LRP1B: variants seen among roughly 807,000 people sequenced by gnomAD.
LRP1B encodes the protein low-density lipoprotein receptor-related protein 1B.
Under a neutral mutation model 556.6 loss-of-function variants are expected in LRP1B, and 217 were observed. The observed-to-expected ratio is 0.39, with a 90% CI of 0.35 to 0.44. The LOEUF (loss-of-function observed/expected upper bound fraction) is 0.44. Ranked by LOEUF, LRP1B falls within the 20% of genes least tolerant of loss-of-function variation. The pLI, the probability that LRP1B is intolerant of heterozygous loss-of-function variation, is 1.00. For missense variants in LRP1B, 5,053 were observed against 5,620.8 expected, an observed-to-expected ratio of 0.90 and a Z score of 3.23; for synonymous variants, 2,047 against 1,865.8, an observed-to-expected ratio of 1.10 and a Z score of -2.50.
intron 7 of LRP1B, among the ~76,000 whole-genome samples, chr2:141,100,788 A>C (rs1055848550): frequency 6.6e-6 from 1 of 151,980 alleles, no homozygotes; most frequent in Admixed American, 6.6e-5. Flanking sequence ...GGGAGTAGAC[A>C]TGAAAACAGA....
chr2:142,075,725 G>A (rs1291282253), intron 1 of LRP1B, among the ~76,000 whole-genome samples: 2 of 151,892 alleles, frequency 1.3e-5, no homozygotes, highest in African/African-American at 2.4e-5. Context: ...GTTTCCCTCC[G>A]CCTCTATTCC....
chr2:140,690,051 A>G (rs928130756), intron 41 of LRP1B, among the ~76,000 whole-genome samples: 5 of 152,150 alleles, frequency 3.3e-5, no homozygotes, highest in African/African-American at 1.2e-4. Flanking sequence ...TTGAGAAACA[A>G]TAGACACAGG....
intron 3 of LRP1B, among the ~76,000 whole-genome samples, chr2:141,450,262 C>T (rs1401127965): frequency 6.6e-6 from 1 of 152,256 alleles, no homozygotes; most frequent in Non-Finnish European, 1.5e-5. Flanking sequence ...GATATACAAG[C>T]TAATAGTGAA....
In LRP1B at chr2:141,465,881, T is replaced by A. The variant is rs150759997; in HGVS notation, c.343+14515A>T. 6.7e-4 allele frequency among the ~76,000 whole-genome samples: 100 copies of A among 149,930 alleles called. 2 individuals carry two copies. The highest frequency in any genetic ancestry group is 2.2e-3 in the African/African-American group (90 of 40,684). On this transcript the variant is annotated intron_variant, in intron 3 of 90. Coordinates refer to ENST00000389484, the MANE Select transcript of LRP1B (RefSeq NM_018557.3). ...CTTTTATACCTCTCAGGTATGTTTT[T>A]TTTTATTACTATTTTTATTTTTTTT...
At chr2:141,673,998 C>T (rs1690778802) in intron 2 of LRP1B, among the ~76,000 whole-genome samples, 2 of 151,984 alleles carry the variant, frequency 1.3e-5, no homozygotes, top group Non-Finnish European at 2.9e-5. Flanking sequence ...AATGCAGAAG[C>T]TTTGGTCAAT....
chr2:141,705,436 C>T (rs1199371984), intron 2 of LRP1B, among the ~76,000 whole-genome samples: 1 of 151,926 alleles, frequency 6.6e-6, no homozygotes, highest in African/African-American at 2.4e-5. Flanking sequence ...CCCAGAATCT[C>T]CTGAGTACTG....
chr2:140,895,842 T>C (rs2105210624), intron 23 of LRP1B, among the ~76,000 whole-genome samples: 1 of 152,238 alleles, frequency 6.6e-6, no homozygotes, highest in East Asian at 1.9e-4. Context: ...CCCTCTGAAG[T>C]CAAGCTGCTT....
intron 35 of LRP1B, among the ~76,000 whole-genome samples, chr2:140,753,955 A>C (rs1011915469): frequency 9.2e-5 from 14 of 152,136 alleles, no homozygotes; most frequent in African/African-American, 3.4e-4. Flanking sequence ...CAAGAACCCA[A>C]GGGCCCCACT....
intron 1 of LRP1B, among the ~76,000 whole-genome samples, chr2:141,842,908 A>T (rs1367585914): frequency 1.3e-5 from 2 of 152,142 alleles, no homozygotes; most frequent in Non-Finnish European, 2.9e-5. Context: ...TCTCACAATA[A>T]ATGCTTCAAA....
chr2:140,370,922 A>T (rs989628209), intron 70 of LRP1B, 80 bp from the exon 71 acceptor site: 1 of 1,436,872 alleles, frequency 7.0e-7, no homozygotes, highest in Non-Finnish European at 9.7e-7. Flanking sequence ...TGCAGCTTGT[A>T]ATACTAGAGC....
At chr2:140,277,764 C>A (rs1441081310) in intron 84 of LRP1B, among the ~76,000 whole-genome samples, 3 of 151,942 alleles carry the variant, frequency 2.0e-5, no homozygotes, top group Non-Finnish European at 4.4e-5. Flanking sequence ...TGGAAACTCT[C>A]ATCTACTACT....
At position 140,700,273 on chromosome 2, in the gene LRP1B, T is replaced by C; in HGVS notation, c.6776A>G (p.Glu2259Gly). The change falls in exon 41 of 91, where the codon GAA (glutamate) becomes GGA (glycine). Residue 2259 changes from glutamate to glycine, a missense_variant. Around this residue, in one of 5 missense-constraint regions of LRP1B, gnomAD observed 3,619 missense variants for 3,931.9 expected, o/e 0.92. Transcript: ENST00000389484. ...GNIQLIKDNW[E>G]DRQVIVENVG... is the part of the protein sequence containing the mutation. The stretch of plus-strand genomic sequence containing the variant: ...ACTTTCAACAATTACTTGTCTGTCT[T>C]CCCAGTTGTCTTTAATAAGCTGTAT... 6.2e-7 allele frequency: 1 copy of C among 1,611,604 alleles called. No individual in the cohort carries two copies. Among genetic ancestry groups the C allele is most frequent in the South Asian group, 1.1e-5 (1 of 90,998 alleles).
chr2:141,413,127 T>C (rs1690917693), intron 3 of LRP1B, among the ~76,000 whole-genome samples: 2 of 152,136 alleles, frequency 1.3e-5, no homozygotes, highest in Admixed American at 1.3e-4. Context: ...CTTGGGAGGC[T>C]GAGACCGGAG....
chr2:140,460,514 T>C (rs1330550295), intron 60 of LRP1B, among the ~76,000 whole-genome samples: 1 of 152,188 alleles, frequency 6.6e-6, no homozygotes, highest in Non-Finnish European at 1.5e-5. Flanking sequence ...ACTATCATTT[T>C]TAAGAGAAAA....
chr2:141,557,740 A>G (rs1011489763), intron 2 of LRP1B, among the ~76,000 whole-genome samples: 12 of 151,942 alleles, frequency 7.9e-5, no homozygotes, highest in African/African-American at 2.7e-4. Context: ...CCCTGCCTCT[A>G]GACTCTAGAC....
intron 32 of LRP1B, among the ~76,000 whole-genome samples, chr2:140,812,973 A>T (rs1358822125): frequency 6.6e-6 from 1 of 152,092 alleles, no homozygotes; most frequent in South Asian, 2.1e-4. Context: ...CACTCTTAAC[A>T]TCTTTTGAAA....
intron 1 of LRP1B, among the ~76,000 whole-genome samples, chr2:141,975,606 G>A (rs937079322): frequency 6.6e-6 from 1 of 152,054 alleles, no homozygotes; most frequent in Non-Finnish European, 1.5e-5. Context: ...ATAGTTAGTT[G>A]ACCCATTTTC....
chr2:140,325,947 C>A, intron 79 of LRP1B, 69 bp from the exon 80 acceptor site: 1 of 982,836 alleles, frequency 1.0e-6, no homozygotes, highest in South Asian at 1.4e-5. Context: ...CATACTTTTG[C>A]TTCTTATTGT....
At chr2:140,582,068 A>C (rs1165612323) in intron 43 of LRP1B, among the ~76,000 whole-genome samples, 1 of 152,200 alleles carries the variant, frequency 6.6e-6, no homozygotes, top group Admixed American at 6.5e-5. Flanking sequence ...AGGTGAGAGA[A>C]CATGGTCGTG....
Sources: gnomAD v4.1 joint callset for allele counts (sites outside exome capture counted in the v4.1 genomes callset) on GRCh38, gnomAD v4.1.1 for gene constraint, gnomAD v4.1.1 regional missense constraint, MANE v1.5 for transcripts, NCBI Gene and HGNC (gene_info 2026-07-23, HGNC 2026-07-21) for gene names.